FOXO1: variants seen among roughly 807,000 people sequenced by gnomAD.
FOXO1 encodes the protein forkhead box O1.
FOXO1 carries 6 observed loss-of-function variants against 44.1 expected under a neutral mutation model. The ratio of observed to expected loss-of-function variants is 0.14; its 90% CI spans 0.07 to 0.27. FOXO1 has a LOEUF of 0.27. Ranked by LOEUF, FOXO1 falls within the 10% of genes least tolerant of loss-of-function variation. The pLI, the probability that FOXO1 is intolerant of heterozygous loss-of-function variation, is 1.00. For missense variants in FOXO1, 737 were observed against 888.8 expected (o/e 0.83, Z 2.17); for synonymous variants, 380 against 362.7 (o/e 1.05, Z -0.54).
intron 1 of FOXO1, among the ~76,000 whole-genome samples, chr13:40,570,530 C>T (rs1233173119): frequency 6.6e-6 from 1 of 152,132 alleles, no homozygotes; most frequent in African/African-American, 2.4e-5. Context: ...TCTTTATTAG[C>T]CAAAGGTCTA....
At chr13:40,587,560 G>C (rs1420101659) in intron 1 of FOXO1, among the ~76,000 whole-genome samples, 1 of 152,202 alleles carries the variant, frequency 6.6e-6, no homozygotes, top group Admixed American at 6.5e-5. Flanking sequence ...CTCAAGGACA[G>C]AGAGAGAAGC....
chr13:40,585,398 A>C (rs567865997), intron 1 of FOXO1, among the ~76,000 whole-genome samples: 191 of 151,824 alleles, frequency 1.3e-3, no homozygotes, highest in African/African-American at 4.3e-3. Context: ...GGAGTTTTGA[A>C]AAGATTACTG....
intron 1 of FOXO1, among the ~76,000 whole-genome samples, chr13:40,600,113 T>G (rs1327840680): frequency 6.6e-6 from 1 of 152,120 alleles, no homozygotes; most frequent in Non-Finnish European, 1.5e-5. Context: ...ACCTAAAAAA[T>G]TATGGTAAGT....
chr13:40,597,026 T>A (rs1312772427), intron 1 of FOXO1, among the ~76,000 whole-genome samples: 1 of 152,230 alleles, frequency 6.6e-6, no homozygotes. Context: ...GTGTCCTTCA[T>A]GAGCCAGCAG....
At chr13:40,613,948 G>T (rs1876324448) in intron 1 of FOXO1, among the ~76,000 whole-genome samples, 1 of 152,066 alleles carries the variant, frequency 6.6e-6, no homozygotes, top group Non-Finnish European at 1.5e-5. Context: ...TCCTTAAAAA[G>T]AAAAAATAAA....
intron 1 of FOXO1, among the ~76,000 whole-genome samples, chr13:40,628,671 G>C (rs1303562205): frequency 6.6e-6 from 1 of 152,198 alleles, no homozygotes; most frequent in Non-Finnish European, 1.5e-5. Flanking sequence ...GTGAAATGGG[G>C]ACATGGCCAA....
At chr13:40,617,391 C>T (rs897320909) in intron 1 of FOXO1, among the ~76,000 whole-genome samples, 1 of 151,264 alleles carries the variant, frequency 6.6e-6, no homozygotes, top group Non-Finnish European at 1.5e-5. Flanking sequence ...GTTGTGGTCA[C>T]GCCACTGCAC....
At chr13:40,647,317 C>T (rs945225412) in intron 1 of FOXO1, among the ~76,000 whole-genome samples, 16 of 152,218 alleles carry the variant, frequency 1.1e-4, no homozygotes, top group African/African-American at 3.9e-4. Flanking sequence ...ACCTGCATTA[C>T]ATTTTGTGGG....
At chr13:40,628,708 G>A (rs550824191) in intron 1 of FOXO1, among the ~76,000 whole-genome samples, 1 of 152,258 alleles carries the variant, frequency 6.6e-6, no homozygotes, top group Admixed American at 6.5e-5. Flanking sequence ...GATGAGACCT[G>A]GTGGGAGGTA....
Position 40,651,911 on chromosome 13 carries a change from G to T in FOXO1, c.630+13672C>A, listed in dbSNP as rs573919433. 9.2e-5 allele frequency among the ~76,000 whole-genome samples: 14 copies of T among 152,138 alleles called. 1 individual carries two copies. The South Asian group carries it at 2.9e-3, about 32-fold the overall frequency. ...TGAAGAGAAAATTAAATCCTAAAAG[G>T]TTGAAGGGGAGAGACCAATTCAGTC... is the stretch of plus-strand genomic sequence containing the variant. On this transcript the variant is annotated intron_variant, in intron 1 of 2. Coordinates refer to ENST00000379561, the MANE Select transcript of FOXO1 (RefSeq NM_002015.4).
At chr13:40,564,943 G>T (rs201110049) in intron 1 of FOXO1, among the ~76,000 whole-genome samples, 2 of 116,748 alleles carry the variant, frequency 1.7e-5, no homozygotes, top group Admixed American at 1.8e-4. Flanking sequence ...CCACAGATGG[G>T]GGAGTCGGGG....
At position 40,616,889 on chromosome 13, in the gene FOXO1, G is replaced by A. The variant is rs944300887; in HGVS notation, c.630+48694C>T. 3.3e-5 allele frequency among the ~76,000 whole-genome samples: 5 copies of A among 152,132 alleles called. No homozygotes were observed. In the East Asian group the frequency reaches 5.8e-4, roughly 18 times the overall value. The stretch of plus-strand genomic sequence containing the variant: ...AAGGAGCAAGGAACCAGGAAACAAC[G>A]TTCTATTGCAACTCACTTCCAGTGA... On this transcript the variant is annotated intron_variant, in intron 1 of 2. Transcript: ENST00000379561.
intron 1 of FOXO1, among the ~76,000 whole-genome samples, chr13:40,617,552 T>C (rs190057030): frequency 6.6e-6 from 1 of 151,942 alleles, no homozygotes; most frequent in African/African-American, 2.4e-5. Context: ...GTCCCCAGCA[T>C]CTAGGAGCCA....
At chr13:40,641,376 C>T (rs1047294127) in intron 1 of FOXO1, among the ~76,000 whole-genome samples, 1 of 151,758 alleles carries the variant, frequency 6.6e-6, no homozygotes, top group African/African-American at 2.4e-5. Flanking sequence ...GAACAATTCA[C>T]TAATACTTTG....
At position 40,560,748 on chromosome 13, in the gene FOXO1, T is replaced by A; in HGVS notation, c.743A>T (p.Lys248Ile). The change falls in exon 2 of 3, where the codon AAA becomes ATA. Residue 248 changes from lysine to isoleucine, a missense_variant. Around this residue, in one of 7 missense-constraint regions of FOXO1, gnomAD observed 136 missense variants for 186.4 expected, o/e 0.73. Coordinates refer to ENST00000379561, the MANE Select transcript of FOXO1 (RefSeq NM_002015.4). This position sits in a 1 kb window ranked among gnomAD's most constrained non-coding sequence, Gnocchi z 5.1. ...MLNPEGGKSG[K>I]SPRRRAASMD... ...GGATGCAGCTCTTCTCCTAGGAGAT[T>A]TCCCGCTCTTGCCACCCTCTGGATT... is the stretch of plus-strand genomic sequence containing the variant. The A allele has an allele frequency of 6.2e-7, 1 of 1,614,188 alleles. No individual in the cohort carries two copies. Among genetic ancestry groups the A allele is most frequent in the Non-Finnish European group, 8.5e-7 (1 of 1,180,026 alleles).
intron 1 of FOXO1, among the ~76,000 whole-genome samples, chr13:40,589,323 C>T (rs1378134262): frequency 6.6e-6 from 1 of 152,082 alleles, no homozygotes; most frequent in Admixed American, 6.6e-5. Context: ...ATCTTCTCCC[C>T]AATCAAGGCC....
chr13:40,611,227 T>G (rs1002573454), intron 1 of FOXO1: 15 of 312,964 alleles, frequency 4.8e-5, no homozygotes, highest in Non-Finnish European at 8.2e-5. Context: ...GGCTTTTAGA[T>G]ATGATTTATG....
At chr13:40,591,860 C>A (rs1338795049) in intron 1 of FOXO1, among the ~76,000 whole-genome samples, 1 of 152,072 alleles carries the variant, frequency 6.6e-6, no homozygotes, top group Non-Finnish European at 1.5e-5. Context: ...CTGTGTGCCA[C>A]CACGCCAGGC....
intron 1 of FOXO1, among the ~76,000 whole-genome samples, chr13:40,576,290 C>T (rs911177263): frequency 1.3e-5 from 2 of 152,022 alleles, no homozygotes; most frequent in Admixed American, 6.6e-5. Flanking sequence ...ATGTTTTTTA[C>T]CCTACATGCA....
Sources: gnomAD v4.1 joint callset for allele counts (sites outside exome capture counted in the v4.1 genomes callset) on GRCh38, gnomAD v4.1.1 for gene constraint, gnomAD v4.1.1 regional missense constraint, Gnocchi (gnomAD v3.1) non-coding constraint, MANE v1.5 for transcripts, NCBI Gene and HGNC (gene_info 2026-07-23, HGNC 2026-07-21) for gene names.